ADCY2: variants seen among roughly 807,000 people sequenced by gnomAD.
ADCY2 encodes adenylate cyclase 2.
ADCY2 carries 31 observed loss-of-function variants against 125.2 expected under a neutral mutation model. The ratio of observed to expected loss-of-function variants is 0.25; its 90% CI spans 0.19 to 0.33. The LOEUF is 0.33. ADCY2 is among the 10% of genes least tolerant of loss of function. The pLI, the probability that ADCY2 is intolerant of heterozygous loss-of-function variation, is 1.00. For missense variants in ADCY2, 904 were observed against 1,418.2 expected (o/e 0.64, Z 5.82); for synonymous variants, 512 against 548.4 (o/e 0.93, Z 0.93).
chr5:7,817,236 T>C (rs1289756842), intron 23 of ADCY2, among the ~76,000 whole-genome samples: 1 of 152,180 alleles, frequency 6.6e-6, no homozygotes, highest in Admixed American at 6.5e-5. Context: ...TGAGCCATCC[T>C]GCGTTGCTGA....
intron 22 of ADCY2, among the ~76,000 whole-genome samples, chr5:7,809,055 G>A (rs1744851271): frequency 6.6e-6 from 1 of 151,816 alleles, no homozygotes; most frequent in African/African-American, 2.4e-5. Context: ...CTGTTGAGAA[G>A]ACTATATTTA....
chr5:7,778,337 G>A (rs1743808881), intron 18 of ADCY2, among the ~76,000 whole-genome samples: 1 of 152,188 alleles, frequency 6.6e-6, no homozygotes, highest in South Asian at 2.1e-4. Context: ...AACTCACCTG[G>A]AGGCTAGAAA....
Position 7,826,921 on chromosome 5 carries a change from C to A in ADCY2, c.*50C>A. ...AGACTGTATTTTCAGGAAGGTATCA[C>A]ACACTTTCTGACTGCAACTTCTGTC... is the stretch of plus-strand genomic sequence containing the variant. On this transcript the variant is annotated 3_prime_UTR_variant, in exon 25 of 25. Coordinates refer to ENST00000338316, the MANE Select transcript of ADCY2 (RefSeq NM_020546.3). 1 of 1,559,944 alleles carries A rather than the reference C, an allele frequency of 6.4e-7. No individual in the cohort carries two copies. Among genetic ancestry groups the A allele is most frequent in the Non-Finnish European group, 8.7e-7 (1 of 1,154,700 alleles).
intron 3 of ADCY2, among the ~76,000 whole-genome samples, chr5:7,523,914 C>T (rs922445342): frequency 6.6e-6 from 1 of 152,216 alleles, no homozygotes; most frequent in African/African-American, 2.4e-5. Context: ...TTTTGTTTCG[C>T]ACAGATCCAT....
chr5:7,564,488 G>A (rs754303709), intron 3 of ADCY2, among the ~76,000 whole-genome samples: 1 of 152,232 alleles, frequency 6.6e-6, no homozygotes, highest in East Asian at 1.9e-4. Context: ...AGGAGGCCTG[G>A]GAGGCATGGA....
At chr5:7,578,476 A>G (rs2126609265) in intron 3 of ADCY2, among the ~76,000 whole-genome samples, 1 of 152,276 alleles carries the variant, frequency 6.6e-6, no homozygotes, top group African/African-American at 2.4e-5. Flanking sequence ...CTGCCTAGGT[A>G]TTTTTAAAAG....
intron 16 of ADCY2, among the ~76,000 whole-genome samples, chr5:7,766,344 T>C (rs1257094838): frequency 2.6e-5 from 4 of 152,168 alleles, no homozygotes; most frequent in Admixed American, 2.6e-4. Flanking sequence ...GATTTGATGG[T>C]AGAGAGTTGA....
intron 3 of ADCY2, among the ~76,000 whole-genome samples, chr5:7,617,415 A>G (rs911682609): frequency 1.3e-5 from 2 of 152,210 alleles, no homozygotes; most frequent in African/African-American, 4.8e-5. Context: ...TAGCCTTCAG[A>G]AATGTGAGGA....
rs113767916 is a variant in ADCY2, at chr5:7,804,867, G to A, written c.2883+175G>A. Among the ~76,000 whole-genome samples the A allele has an allele frequency of 3.1e-3, 467 of 152,226 alleles. 5 individuals are homozygous for A. Among genetic ancestry groups the A allele is most frequent in the African/African-American group, 0.011 (441 of 41,522 alleles). ...AATTCCAGACTTCTTAGAGCCAGAG[G>A]ATCTGTTCACAGAACTCCTTCTGCT... On this transcript the variant is annotated intron_variant, in intron 22 of 24. Transcript: ENST00000338316.
At chr5:7,819,441 C>T (rs1745225296) in intron 23 of ADCY2, among the ~76,000 whole-genome samples, 1 of 152,196 alleles carries the variant, frequency 6.6e-6, no homozygotes. Context: ...GTGCCATTTT[C>T]CTGGTCTAGA....
chr5:7,729,136 C>A (rs1483507173), intron 14 of ADCY2, among the ~76,000 whole-genome samples: 2 of 152,184 alleles, frequency 1.3e-5, no homozygotes, highest in Admixed American at 1.3e-4. Flanking sequence ...GCTGTAACAG[C>A]CTCAGGCTTC....
intron 2 of ADCY2, among the ~76,000 whole-genome samples, chr5:7,477,486 T>C (rs1742567704): frequency 6.6e-6 from 1 of 151,810 alleles, no homozygotes. Flanking sequence ...TAGTTCACCA[T>C]CTAGTACCTG....
chr5:7,537,997 G>A (rs545147852), intron 3 of ADCY2, among the ~76,000 whole-genome samples: 2 of 152,250 alleles, frequency 1.3e-5, no homozygotes, highest in Non-Finnish European at 2.9e-5. Context: ...CCTATCCCAG[G>A]AGCTCACATT....
At chr5:7,730,705 T>G (rs537026885) in intron 14 of ADCY2, among the ~76,000 whole-genome samples, 4 of 152,356 alleles carry the variant, frequency 2.6e-5, no homozygotes, top group Admixed American at 1.3e-4. Context: ...TATGATGACA[T>G]TACTCTGTGG....
At chr5:7,765,935 G>A (rs574189487) in intron 16 of ADCY2, among the ~76,000 whole-genome samples, 5 of 152,214 alleles carry the variant, frequency 3.3e-5, no homozygotes, top group South Asian at 2.1e-4. Context: ...GACAGCGAGC[G>A]AGCGAGAGAG....
At chr5:7,558,722 A>C (rs1735614492) in intron 3 of ADCY2, among the ~76,000 whole-genome samples, 1 of 152,096 alleles carries the variant, frequency 6.6e-6, no homozygotes, top group Admixed American at 6.5e-5. Flanking sequence ...TTCTGTTGTG[A>C]TTGCTTTTGG....
At position 7,724,596 on chromosome 5, in the gene ADCY2, C is replaced by T. The variant is rs1005030363; in HGVS notation, c.1755C>T (p.Asn585=). 6.3e-7 allele frequency: 1 copy of T among 1,585,924 alleles called. No homozygotes were observed. The change falls in exon 13 of 25, where the codon AAC becomes AAT. Residue 585 remains asparagine, a synonymous_variant. Transcript: ENST00000338316. ...AGAGAATCTCACTGCTTTTCTATAA[C>T]AAAGTACTAGAAAAAGAGGTAAGTT... is the stretch of plus-strand genomic sequence containing the variant. ...DIQRISLLFY[N]KVLEKEYRAT...
At chr5:7,460,511 T>C (rs1223506213) in intron 2 of ADCY2, among the ~76,000 whole-genome samples, 2 of 152,210 alleles carry the variant, frequency 1.3e-5, no homozygotes, top group East Asian at 1.9e-4. Flanking sequence ...ATTATCAAAA[T>C]TAAAACTCTT....
intron 9 of ADCY2, chr5:7,708,089 A>G: frequency 2.5e-6 from 1 of 402,388 alleles, no homozygotes; most frequent in Non-Finnish European, 4.4e-6. Flanking sequence ...TCAGGCTGTC[A>G]TGTGTGTTAG....
Sources: gnomAD v4.1 joint callset for allele counts (sites outside exome capture counted in the v4.1 genomes callset) on GRCh38, gnomAD v4.1.1 for gene constraint, MANE v1.5 for transcripts, NCBI Gene and HGNC (gene_info 2026-07-23, HGNC 2026-07-21) for gene names.